ORMDL1: variants seen among roughly 807,000 people sequenced by gnomAD.
ORMDL1 encodes ORMDL sphingolipid biosynthesis regulator 1.
In ORMDL1, 10 loss-of-function variants were observed where a neutral mutation model predicts 13.0. That is an observed-to-expected ratio of 0.77 (90% CI 0.47 to 1.30). The LOEUF is 1.30. ORMDL1 is among the 50% of genes most tolerant of loss of function. The pLI, the probability that ORMDL1 is intolerant of heterozygous loss-of-function variation, is 0.00. For missense variants in ORMDL1, 171 were observed against 186.7 expected, an observed-to-expected ratio of 0.92 and a Z score of 0.49; for synonymous variants, 61 against 63.9, an observed-to-expected ratio of 0.95 and a Z score of 0.22.
chr2:189,778,915 C>T (rs537675936), intron 3 of ORMDL1, among the ~76,000 whole-genome samples: 1 of 151,658 alleles, frequency 6.6e-6, no homozygotes, highest in East Asian at 1.9e-4. Context: ...AAAGTAGACC[C>T]TGAGTACTAT....
rs2106169756 is a variant in ORMDL1 at position 189,784,323 on chromosome 2, G to C, written c.-172C>G. Reference sequence around the variant, plus strand: ...CAGCAGGACCAGCCCGGCTGCTACGGCCGCGGATACACGCCCTCAGGCCCG... The same window carrying C: ...CAGCAGGACCAGCCCGGCTGCTACGCCCGCGGATACACGCCCTCAGGCCCG... On this transcript the variant is annotated 5_prime_UTR_variant, in exon 1 of 5. Transcript: ENST00000392349. The C allele has an allele frequency of 6.6e-6, 1 of 152,530 alleles. No individual in the cohort carries two copies. The highest frequency in any genetic ancestry group is 1.5e-5 in the Non-Finnish European group (1 of 68,178). The allele number at this position is 152,530 out of a possible 1,614,324, so 9.4% of individuals were successfully genotyped here.
At chr2:189,778,571 C>T in intron 3 of ORMDL1, 1 of 407,720 alleles carries the variant, frequency 2.5e-6, no homozygotes. Flanking sequence ...GGAAATCAGG[C>T]AGAGCAGGAA....
rs755243946 is a variant in ORMDL1, at chr2:189,782,521, T to C, written c.75A>G (p.Thr25=). The part of the protein sequence containing the change: ...RVMNSRGMWL[T]YALGVGLLHI... ...GAAGCAAGCCAACTCCCAATGCATA[T>C]GTCAGCCACATACCCCGGCTGTTCA... is the stretch of plus-strand genomic sequence containing the variant. The change falls in exon 3 of 5, where the codon ACA becomes ACG. Residue 25 remains threonine (T), a synonymous_variant. Coordinates refer to ENST00000392349, the MANE Select transcript of ORMDL1 (RefSeq NM_016467.5). 3.1e-6 allele frequency: 5 copies of C among 1,614,064 alleles called. No homozygotes were observed. The East Asian group carries it at 6.7e-5, about 22-fold the overall frequency.
chr2:189,775,780 G>A, intron 3 of ORMDL1, 64 bp from the exon 4 acceptor site: 1 of 1,489,682 alleles, frequency 6.7e-7, no homozygotes, highest in Non-Finnish European at 9.1e-7. Context: ...TTTGTCAGTA[G>A]CATTAACGAG....
chr2:189,782,318 T>G (rs749475040), intron 3 of ORMDL1, 104 bp downstream of exon 3: 1 of 1,064,250 alleles, frequency 9.4e-7, no homozygotes, highest in Non-Finnish European at 1.3e-6. Context: ...AACCAAAAAC[T>G]CTGTACCCAT....
At chr2:189,772,875 T>C (rs1459918913) in intron 4 of ORMDL1, among the ~76,000 whole-genome samples, 1 of 152,216 alleles carries the variant, frequency 6.6e-6, no homozygotes, top group Non-Finnish European at 1.5e-5. Context: ...GAGAATTTTA[T>C]ACATTTTTAA....
At chr2:189,766,672 TG>T (rs1298581909), downstream of ORMDL1, among the ~76,000 whole-genome samples, 1 of 151,548 alleles carries the variant, frequency 6.6e-6, no homozygotes, top group African/African-American at 2.4e-5. Flanking sequence ...TGCAGTGAGC[TG>T]GGATTGCACC....
At chr2:189,773,582 C>T (rs1257341000) in intron 4 of ORMDL1, among the ~76,000 whole-genome samples, 2 of 151,986 alleles carry the variant, frequency 1.3e-5, no homozygotes, top group Admixed American at 6.6e-5. Context: ...AGTAGCTGGG[C>T]ACGGTGGTGC....
At chr2:189,774,363 A>C (rs985545911) in intron 4 of ORMDL1, among the ~76,000 whole-genome samples, 1 of 152,196 alleles carries the variant, frequency 6.6e-6, no homozygotes, top group Non-Finnish European at 1.5e-5. Flanking sequence ...AAATCAATTC[A>C]AAATTTCCTC....
the ORMDL1 span, chr2:189,765,258 A>G: frequency 1.3e-5 from 2 of 152,230 alleles, no homozygotes; most frequent in African/African-American, 4.8e-5. Flanking sequence ...GGATACAGAT[A>G]AGGTCCATTC....
chr2:189,769,017 T>C (rs565151614), downstream of ORMDL1, among the ~76,000 whole-genome samples: 7 of 152,230 alleles, frequency 4.6e-5, no homozygotes, highest in South Asian at 1.2e-3. Flanking sequence ...TATACTGTCT[T>C]ATAAGTCCTC....
intron 1 of ORMDL1, chr2:189,783,607 T>C (rs2047963100): frequency 6.6e-6 from 1 of 152,228 alleles, no homozygotes; most frequent in South Asian, 2.1e-4. Flanking sequence ...GACGAAAAGT[T>C]AGTTACACTA....
At chr2:189,777,295 G>T (rs1474560465) in intron 3 of ORMDL1, among the ~76,000 whole-genome samples, 1 of 152,128 alleles carries the variant, frequency 6.6e-6, no homozygotes, top group African/African-American at 2.4e-5. Context: ...ATTACGCCAA[G>T]GAGTATTTAT....
chr2:189,778,216 G>A (rs748687712), intron 3 of ORMDL1: 24 of 410,662 alleles, frequency 5.8e-5, no homozygotes, highest in Middle Eastern at 8.1e-4. Context: ...CCAACATGGT[G>A]AAACCCTGTC....
rs971909938 is a variant in ORMDL1 at position 189,772,744 on chromosome 2, C to T, written c.327-842G>A. 9.2e-5 allele frequency among the ~76,000 whole-genome samples: 14 copies of T among 152,236 alleles called. No individual in the cohort carries two copies. The East Asian group carries it at 1.9e-3, about 21-fold the overall frequency. ...AGTTTCTATTTAGGTCTTTGCAGTACGCAAGGAAAGTATTCTAATAGCCTT... is the reference window on the plus strand; with the variant it reads ...AGTTTCTATTTAGGTCTTTGCAGTATGCAAGGAAAGTATTCTAATAGCCTT... On this transcript the variant is annotated intron_variant, in intron 4 of 4. Coordinates refer to ENST00000392349, the MANE Select transcript of ORMDL1 (RefSeq NM_016467.5).
At chr2:189,778,480 A>T (rs1419546554) in intron 3 of ORMDL1, 10 of 455,204 alleles carry the variant, frequency 2.2e-5, no homozygotes, top group South Asian at 1.4e-4. Context: ...TAAACTGCTA[A>T]TTATAAAACA....
rs558542977 is a variant in ORMDL1, at chr2:189,776,983, A to G, written c.175-1267T>C. Among the ~76,000 whole-genome samples, 23 of 152,296 alleles carry G rather than the reference A, an allele frequency of 1.5e-4. No individual in the cohort carries two copies. The East Asian group carries it at 4.4e-3, about 29-fold the overall frequency. On this transcript the variant is annotated intron_variant, in intron 3 of 4. Coordinates refer to ENST00000392349, the MANE Select transcript of ORMDL1 (RefSeq NM_016467.5). Reference sequence around the variant, plus strand: ...CAGAATACTCAGCAAATGGCAGGGGAGGGAAAGGTTCCTTGTTGCTGTGCC... The same window carrying G: ...CAGAATACTCAGCAAATGGCAGGGGGGGGAAAGGTTCCTTGTTGCTGTGCC...
At chr2:189,767,985 T>A (rs1014026301), downstream of ORMDL1, among the ~76,000 whole-genome samples, 4 of 152,246 alleles carry the variant, frequency 2.6e-5, no homozygotes, top group Non-Finnish European at 5.9e-5. Context: ...GGATTCTGAC[T>A]TTGATGCTTA....
downstream of ORMDL1, among the ~76,000 whole-genome samples, chr2:189,768,446 AAGACAC>A (rs1406280833): frequency 6.6e-6 from 1 of 152,242 alleles, no homozygotes; most frequent in East Asian, 1.9e-4. Flanking sequence ...TATGATATAG[AAGACAC>A]AGGAGAAATA....
Sources: gnomAD v4.1 joint callset for allele counts (sites outside exome capture counted in the v4.1 genomes callset) on GRCh38, gnomAD v4.1.1 for gene constraint, MANE v1.5 for transcripts, NCBI Gene and HGNC (gene_info 2026-07-23, HGNC 2026-07-21) for gene names.